Variants in FBXW7 observed in about 807,000 individuals in gnomAD.
The protein encoded by FBXW7 is F-box and WD repeat domain containing 7.
Under a neutral mutation model 86.3 loss-of-function variants are expected in FBXW7, and 11 were observed. The observed-to-expected ratio is 0.13, with a 90% CI of 0.08 to 0.21. The LOEUF is 0.21. FBXW7 is among the 10% of genes least tolerant of loss of function. FBXW7 has a pLI of 1.00. For missense variants in FBXW7, 488 were observed against 847.4 expected (o/e 0.58, Z 5.27); for synonymous variants, 313 against 297.9 (o/e 1.05, Z -0.52).
chr4:152,419,564 A>T (rs1738763849), intron 2 of FBXW7, among the ~76,000 whole-genome samples: 1 of 150,126 alleles, frequency 6.7e-6, no homozygotes, highest in African/African-American at 2.5e-5. Flanking sequence ...AAAAAAATGG[A>T]GTTTATCTGC....
chr4:152,421,230 C>A (rs945975167), intron 2 of FBXW7, among the ~76,000 whole-genome samples: 1 of 152,196 alleles, frequency 6.6e-6, no homozygotes, highest in African/African-American at 2.4e-5. Flanking sequence ...TCCCCTCTTA[C>A]CCTTCATAGA....
intron 2 of FBXW7, among the ~76,000 whole-genome samples, chr4:152,446,656 C>A (rs898033906): frequency 2.6e-5 from 4 of 152,188 alleles, no homozygotes; most frequent in African/African-American, 9.7e-5. Flanking sequence ...ATTTATTTTA[C>A]ATAAAATACT....
chr4:152,416,332 G>T (rs1279913853), intron 2 of FBXW7, among the ~76,000 whole-genome samples: 1 of 152,118 alleles, frequency 6.6e-6, no homozygotes, highest in Non-Finnish European at 1.5e-5. Flanking sequence ...CAAGTCACTT[G>T]TAGTACTTTT....
At chr4:152,333,558 T>C (rs1173015460) in intron 7 of FBXW7, among the ~76,000 whole-genome samples, 1 of 152,112 alleles carries the variant, frequency 6.6e-6, no homozygotes, top group Non-Finnish European at 1.5e-5. Flanking sequence ...AAATTTTAAA[T>C]TATGATACTA....
intron 2 of FBXW7, among the ~76,000 whole-genome samples, chr4:152,519,275 G>A (rs1292418607): frequency 6.6e-6 from 1 of 152,068 alleles, no homozygotes; most frequent in Non-Finnish European, 1.5e-5. Context: ...TCCAGCCTGG[G>A]CTACAGAGTG....
intron 4 of FBXW7, among the ~76,000 whole-genome samples, chr4:152,383,113 A>G (rs564058940): frequency 6.6e-6 from 1 of 152,274 alleles, no homozygotes; most frequent in African/African-American, 2.4e-5. Context: ...TGAAAAACTT[A>G]TTGATTATAC....
chr4:152,529,766 G>A (rs1352996149), intron 2 of FBXW7, among the ~76,000 whole-genome samples: 1 of 152,074 alleles, frequency 6.6e-6, no homozygotes, highest in Non-Finnish European at 1.5e-5. Context: ...CAGGAGTTAA[G>A]AGACCAGCCT....
In FBXW7 at chr4:152,320,559, CTTTAT is replaced by C; in HGVS notation, c.*2317_*2321del. ...TATTTAGAACTAGTTTCAAAAACAA[CTTTAT>C]TTTTTCCCCTTACATCATAAAATTT... On this transcript the variant is annotated 3_prime_UTR_variant, in exon 14 of 14. Transcript: ENST00000281708. 6.6e-6 allele frequency: 1 copy of C among 151,284 alleles called. No individual in the cohort carries two copies. The highest frequency in any genetic ancestry group is 1.5e-5 in the Non-Finnish European group (1 of 67,870). 9.4% of individuals were successfully genotyped at this position (151,284 alleles called of 1,614,324 possible).
intron 2 of FBXW7, among the ~76,000 whole-genome samples, chr4:152,494,469 TA>T (rs1433426664): frequency 2.0e-5 from 3 of 152,208 alleles, no homozygotes; most frequent in Non-Finnish European, 4.4e-5. Flanking sequence ...CATGAATTTA[TA>T]ATTTTTTTTA....
At chr4:152,428,356 C>G (rs910295888) in intron 2 of FBXW7, among the ~76,000 whole-genome samples, 2 of 152,062 alleles carry the variant, frequency 1.3e-5, no homozygotes, top group Non-Finnish European at 2.9e-5. Flanking sequence ...CAACCGGGAG[C>G]TTTTTCCTAG....
chr4:152,391,933 C>T (rs967504328), intron 4 of FBXW7, among the ~76,000 whole-genome samples: 1 of 152,050 alleles, frequency 6.6e-6, no homozygotes, highest in South Asian at 2.1e-4. Flanking sequence ...TTCGGAGACA[C>T]TTCTTTGTCA....
intron 4 of FBXW7, among the ~76,000 whole-genome samples, chr4:152,366,090 A>G (rs1210811051): frequency 2.0e-5 from 3 of 152,208 alleles, no homozygotes; most frequent in Non-Finnish European, 4.4e-5. Context: ...TTAAAAACTC[A>G]TAATTTTCTA....
chr4:152,335,373 TAGG>T (rs1020916292), intron 7 of FBXW7, among the ~76,000 whole-genome samples: 3 of 149,552 alleles, frequency 2.0e-5, no homozygotes, highest in African/African-American at 7.4e-5. Flanking sequence ...GAGGCTAACA[TAGG>T]AGAATCATTT....
intron 2 of FBXW7, among the ~76,000 whole-genome samples, chr4:152,503,414 T>C (rs1747128492): frequency 6.6e-6 from 1 of 151,964 alleles, no homozygotes; most frequent in Non-Finnish European, 1.5e-5. Flanking sequence ...GCATTACAGA[T>C]GCACACCACC....
At chr4:152,406,906 G>C (rs1737470356) in intron 4 of FBXW7, among the ~76,000 whole-genome samples, 1 of 152,140 alleles carries the variant, frequency 6.6e-6, no homozygotes, top group South Asian at 2.1e-4. Flanking sequence ...AACCGCTGCG[G>C]GGAATGAAGT....
At chr4:152,533,834 A>G (rs1308310443) in intron 2 of FBXW7, among the ~76,000 whole-genome samples, 1 of 152,368 alleles carries the variant, frequency 6.6e-6, no homozygotes, top group East Asian at 1.9e-4. Flanking sequence ...TTTTAAATTA[A>G]TCTAATCAAG....
intron 4 of FBXW7, among the ~76,000 whole-genome samples, chr4:152,384,531 T>C (rs1735366172): frequency 6.6e-6 from 1 of 151,712 alleles, no homozygotes; most frequent in Non-Finnish European, 1.5e-5. Flanking sequence ...GAGGGGGAAA[T>C]GAGAGTTAGT....
At chr4:152,386,879 G>T (rs1366015122) in intron 4 of FBXW7, among the ~76,000 whole-genome samples, 7 of 152,034 alleles carry the variant, frequency 4.6e-5, no homozygotes, top group Admixed American at 4.6e-4. Context: ...CACCAATACG[G>T]TATCTGTAAA....
chr4:152,456,214 A>T (rs1020570033), intron 2 of FBXW7, among the ~76,000 whole-genome samples: 1 of 152,072 alleles, frequency 6.6e-6, no homozygotes, highest in African/African-American at 2.4e-5. Flanking sequence ...ATAATAAGAC[A>T]AACAATACAA....
Sources: gnomAD v4.1 joint callset for allele counts (sites outside exome capture counted in the v4.1 genomes callset) on GRCh38, gnomAD v4.1.1 for gene constraint, MANE v1.5 for transcripts, NCBI Gene and HGNC (gene_info 2026-07-23, HGNC 2026-07-21) for gene names.